RCL1: variants seen among roughly 807,000 people sequenced by gnomAD.
RCL1 encodes the protein RNA 3'-terminal phosphate cyclase-like protein.
In RCL1, 24 loss-of-function variants were observed where a neutral mutation model predicts 42.4. The observed-to-expected ratio is 0.57, with a 90% CI of 0.41 to 0.80. RCL1 has a LOEUF of 0.80. RCL1 is among the 30% of genes least tolerant of loss of function. The pLI, the probability that RCL1 is intolerant of heterozygous loss-of-function variation, is 0.00. For synonymous variants in RCL1, 228 were observed against 177.3 expected (o/e 1.29, Z -2.27); for missense variants, 578 against 467.9 (o/e 1.24, Z -2.17).
chr9:4,852,013 C>T (rs1436739194), intron 8 of RCL1, among the ~76,000 whole-genome samples: 2 of 152,020 alleles, frequency 1.3e-5, no homozygotes, highest in Admixed American at 6.6e-5. Context: ...TCCCGAGTAG[C>T]TGGGACTACA....
At position 4,849,485 on chromosome 9, in the gene RCL1, A is replaced by G. The variant is rs760462151; in HGVS notation, c.906A>G (p.Leu302=). 2 of 1,614,080 alleles carry G rather than the reference A, an allele frequency of 1.2e-6. No homozygotes were observed. Among genetic ancestry groups the G allele is most frequent in the Non-Finnish European group, 1.7e-6 (2 of 1,179,994 alleles). ...ACTCGACCAACCAAAGCCTGGCGCT[A>G]CTACTCATGACCCTTGGACAGCAGG... ...CVDSTNQSLA[L]LLMTLGQQDV... is the part of the protein sequence containing the mutation. The change falls in exon 8 of 9, where the codon CTA becomes CTG. Residue 302 remains leucine, a synonymous_variant. Transcript: ENST00000381750.
chr9:4,849,091 A>T (rs1335067066), intron 7 of RCL1, among the ~76,000 whole-genome samples: 1 of 131,780 alleles, frequency 7.6e-6, no homozygotes, highest in African/African-American at 3.0e-5. Context: ...GAACTGATTA[A>T]GATTTTTTTT....
intron 1 of RCL1, among the ~76,000 whole-genome samples, chr9:4,802,508 C>T (rs1029620374): frequency 2.0e-5 from 3 of 152,154 alleles, no homozygotes; most frequent in African/African-American, 7.2e-5. Flanking sequence ...TTACTTAAAT[C>T]TGTTTCTTTT....
intron 5 of RCL1, among the ~76,000 whole-genome samples, chr9:4,836,421 A>G (rs1168546585): frequency 6.6e-6 from 1 of 152,216 alleles, no homozygotes; most frequent in Non-Finnish European, 1.5e-5. Flanking sequence ...AACAGGCTTA[A>G]AGATCAGATC....
At chr9:4,850,646 G>A (rs12340156) in intron 8 of RCL1, among the ~76,000 whole-genome samples, 3,434 of 152,160 alleles carry the variant, frequency 0.023, 114 homozygotes, top group African/African-American at 0.075. Context: ...AAAGTATTTC[G>A]TAGGACAGGA....
intron 5 of RCL1, among the ~76,000 whole-genome samples, chr9:4,840,722 A>G (rs1164966671): frequency 6.6e-6 from 1 of 152,138 alleles, no homozygotes; most frequent in Non-Finnish European, 1.5e-5. Flanking sequence ...CTTTCACTGA[A>G]CTTTTTCTGC....
Position 4,841,283 on chromosome 9 carries a change from A to T in RCL1, c.636A>T (p.Ala212=), listed in dbSNP as rs1193476502. The T allele has an allele frequency of 6.2e-7, 1 of 1,613,098 alleles. No individual in the cohort carries two copies. The highest frequency in any genetic ancestry group is 1.3e-5 in the African/African-American group (1 of 75,002). ...TGGCGAACCGGATTGTGGATTCTGC[A>T]AGGAGCATCCTCAACAAGTTCATAC... ...PQMANRIVDS[A]RSILNKFIPD... Residue 212 remains alanine, a synonymous_variant, in exon 6 of 9, where the codon GCA becomes GCT. Transcript: ENST00000381750.
intron 5 of RCL1, among the ~76,000 whole-genome samples, chr9:4,840,921 C>G (rs549264986): frequency 6.6e-6 from 1 of 152,158 alleles, no homozygotes; most frequent in East Asian, 1.9e-4. Flanking sequence ...AGGCAGGTGT[C>G]TTTACACCTT....
chr9:4,818,000 A>C (rs1022066328), intron 1 of RCL1, among the ~76,000 whole-genome samples: 2 of 137,468 alleles, frequency 1.5e-5, no homozygotes, highest in Non-Finnish European at 3.0e-5. Context: ...GTCTCACTGC[A>C]ACTTCTGCCT....
chr9:4,853,515 G>T (rs889020202), intron 8 of RCL1, among the ~76,000 whole-genome samples: 39 of 152,094 alleles, frequency 2.6e-4, no homozygotes, highest in African/African-American at 9.2e-4. Context: ...TAGAGACGGG[G>T]TTTCATCGTG....
At chr9:4,859,466 A>C (rs1359101125) in intron 8 of RCL1, among the ~76,000 whole-genome samples, 1 of 151,824 alleles carries the variant, frequency 6.6e-6, no homozygotes, top group South Asian at 2.1e-4. Flanking sequence ...ATTTTTTTTC[A>C]TTTGAGTGCA....
intron 2 of RCL1, among the ~76,000 whole-genome samples, chr9:4,826,227 C>T (rs1423892545): frequency 1.3e-5 from 2 of 151,954 alleles, no homozygotes; most frequent in East Asian, 1.9e-4. Context: ...GCTTGGGGGA[C>T]AGAGCAAGAC....
chr9:4,839,941 G>A, intron 5 of RCL1: 1 of 983,392 alleles, frequency 1.0e-6, no homozygotes, highest in Non-Finnish European at 1.2e-6. Context: ...GGGAGAATGG[G>A]GCAAAGCAGC....
rs540145056 is a variant in RCL1 at position 4,801,942 on chromosome 9, C to T, written c.136+8715C>T. Among the ~76,000 whole-genome samples the T allele has an allele frequency of 7.0e-4, 107 of 151,908 alleles. 1 individual carries two copies. The highest frequency in any genetic ancestry group is 2.5e-3 in the African/African-American group (105 of 41,444). On this transcript the variant is annotated intron_variant, in intron 1 of 8. Transcript: ENST00000381750. ...TTTCTTTTTTTTTGAGACGGAATCT[C>T]GCTCTGTTGCCGCTGGAGTGCGGTG...
intron 8 of RCL1, among the ~76,000 whole-genome samples, chr9:4,852,313 C>T (rs552057985): frequency 6.6e-6 from 1 of 152,278 alleles, no homozygotes; most frequent in South Asian, 2.1e-4. Flanking sequence ...CAGTTAGTGA[C>T]AGTAGTTGCA....
In RCL1 at chr9:4,852,848, C is replaced by G. The variant is rs1425824871; in HGVS notation, c.971+3298C>G. ...TGGCTAGAGTAGCCCGGTCAGGTCA[C>G]TTTGAACCCCAGGAGGCCTAGTAAA... On this transcript the variant is annotated intron_variant, in intron 8 of 8. Transcript: ENST00000381750. Among the ~76,000 whole-genome samples the G allele has an allele frequency of 2.0e-5, 3 of 151,846 alleles. No homozygotes were observed. The East Asian group carries it at 5.8e-4, about 29-fold the overall frequency.
chr9:4,840,293 G>A (rs990860811), intron 5 of RCL1, among the ~76,000 whole-genome samples: 27 of 152,326 alleles, frequency 1.8e-4, no homozygotes, highest in Non-Finnish European at 3.7e-4. Flanking sequence ...GACTTGTCAC[G>A]TGGGGTTTGT....
chr9:4,857,133 G>A (rs1425076201), intron 8 of RCL1, among the ~76,000 whole-genome samples: 4 of 152,150 alleles, frequency 2.6e-5, no homozygotes, highest in South Asian at 2.1e-4. Flanking sequence ...CCCATTTTAA[G>A]TACACAGTTT....
intron 1 of RCL1, among the ~76,000 whole-genome samples, chr9:4,808,803 T>C (rs1816069384): frequency 6.6e-6 from 1 of 152,224 alleles, no homozygotes; most frequent in African/African-American, 2.4e-5. Flanking sequence ...TGGATTCTCA[T>C]ATAAGCAAAG....
Sources: gnomAD v4.1 joint callset for allele counts (sites outside exome capture counted in the v4.1 genomes callset) on GRCh38, gnomAD v4.1.1 for gene constraint, MANE v1.5 for transcripts, NCBI Gene and HGNC (gene_info 2026-07-23, HGNC 2026-07-21) for gene names.